Variants in CYBC1 observed in about 807,000 individuals in gnomAD.
CYBC1 encodes cytochrome b-245 chaperone 1, also known as essential for reactive oxygen species protein.
Under a neutral mutation model 21.7 loss-of-function variants are expected in CYBC1, and 22 were observed. That is an observed-to-expected ratio of 1.02 (90% CI 0.73 to 1.45). CYBC1 has a LOEUF of 1.45. Ranked by LOEUF, CYBC1 falls within the 40% of genes most tolerant of loss-of-function variation. The pLI, the probability that CYBC1 is intolerant of heterozygous loss-of-function variation, is 0.00. For synonymous variants in CYBC1, 112 were observed against 98.7 expected (o/e 1.13, Z -0.80); for missense variants, 237 against 242.1 (o/e 0.98, Z 0.14).
chr17:82,450,419 C>G (rs572288507), intron 1 of CYBC1: 1 of 152,296 alleles, frequency 6.6e-6, no homozygotes, highest in Non-Finnish European at 1.5e-5. Context: ...CACACACACA[C>G]GCACACTCGC....
rs1487140159 is a variant in CYBC1 at position 82,443,449 on chromosome 17, CCT to C, written c.*553_*554del. 1.5e-6 allele frequency: 1 copy of C among 648,124 alleles called. No individual in the cohort carries two copies. The highest frequency in any genetic ancestry group is 2.1e-5 in the Admixed American group (1 of 47,704). The allele number at this position is 648,124 out of a possible 1,614,324, so 40.1% of individuals were successfully genotyped here. A position where few individuals can be genotyped will look rare whatever the true frequency, so the allele number is the denominator to read the frequency against. On this transcript the variant is annotated 3_prime_UTR_variant, in exon 7 of 7. Transcript: ENST00000306645. The surrounding 1 kb of genome is among the most constrained non-coding windows in gnomAD (Gnocchi z 6.7). ...GCCAGGTAGGCCCTGGATGTTCACCCCTCACTGCCCTTGGGGAAGCACCTGAC... is the reference window on the plus strand; with the variant it reads ...GCCAGGTAGGCCCTGGATGTTCACCCCACTGCCCTTGGGGAAGCACCTGAC...
At chr17:82,445,986 C>T (rs2054264708) in intron 4 of CYBC1, 26 bp from the exon 5 acceptor site, 1 of 1,605,042 alleles carries the variant, frequency 6.2e-7, no homozygotes. Flanking sequence ...CACTGACCAC[C>T]ATGAACCTCC....
In CYBC1 at chr17:82,445,871, G is replaced by C. The variant is rs147800925; in HGVS notation, c.291C>G (p.His97Gln). ...KKLLTLFRAG[H>Q]DQVVVLLHDV... Reference sequence around the variant, plus strand: ...ACGCTCCCCACGACTCACCCTGGTCGTGGCCAGCTCTGAAAAGAGTCAGCA... The same window carrying C: ...ACGCTCCCCACGACTCACCCTGGTCCTGGCCAGCTCTGAAAAGAGTCAGCA... Residue 97 changes from histidine (H) to glutamine (Q), a missense_variant, in exon 5 of 7, where the codon CAC becomes CAG. Transcript: ENST00000306645. 1.2e-6 allele frequency: 2 copies of C among 1,610,334 alleles called. No individual in the cohort carries two copies. Among genetic ancestry groups the C allele is most frequent in the Non-Finnish European group, 1.7e-6 (2 of 1,178,324 alleles).
At chr17:82,446,133 T>C (rs2054274325) in intron 4 of CYBC1, among the ~76,000 whole-genome samples, 173 bp from the exon 5 acceptor site, 1 of 152,184 alleles carries the variant, frequency 6.6e-6, no homozygotes. Flanking sequence ...CAGAGCCGGA[T>C]ATCGGCAGCC....
chr17:82,449,343 G>A (rs111962223), intron 1 of CYBC1, 51 bp from the exon 2 acceptor site: 24,871 of 1,024,018 alleles, frequency 0.024, 366 homozygotes, highest in Admixed American at 0.047. Flanking sequence ...ACAGGCAGGC[G>A]CCCACGCCAT....
intron 5 of CYBC1, 115 bp downstream of exon 5, chr17:82,445,749 G>A: frequency 1.4e-6 from 1 of 708,264 alleles, no homozygotes; most frequent in Non-Finnish European, 2.3e-6. Context: ...CCAAGCAGGT[G>A]AGCTTGGACC....
At position 82,442,908 on chromosome 17, in the gene CYBC1, G is replaced by A. The variant is rs1421452517; in HGVS notation, c.*1096C>T. ...GCACACCGCACCTGGGAGGACCTGGGTACACTCAGGAGACCAAGAGCACTG... is the reference window on the plus strand; with the variant it reads ...GCACACCGCACCTGGGAGGACCTGGATACACTCAGGAGACCAAGAGCACTG... On this transcript the variant is annotated 3_prime_UTR_variant, in exon 7 of 7. Coordinates refer to ENST00000306645, the MANE Select transcript of CYBC1 (RefSeq NM_001033046.4). This position sits in a 1 kb window ranked among gnomAD's most constrained non-coding sequence, Gnocchi z 6.8. 7 of 281,652 alleles carry A rather than the reference G, an allele frequency of 2.5e-5. 1 individual carries two copies. The highest frequency in any genetic ancestry group is 4.0e-5 in the Non-Finnish European group (6 of 149,190). 17.4% of individuals were successfully genotyped at this position (281,652 alleles called of 1,614,324 possible).
chr17:82,445,920 T>G lies in CYBC1; in HGVS notation c.242A>C (p.Lys81Thr). ...CAGCTTCTTGTAGAGGCTGAACGTC[T>G]TCAAAACAACCTTCCCTGTGCTCTT... ...FDKSTGKVVLKTFSLYKKLLT... is the reference protein window; with the variant it reads ...FDKSTGKVVLTTFSLYKKLLT... Residue 81 changes from lysine to threonine, a missense_variant, in exon 5 of 7, where the codon AAG (lysine) becomes ACG (threonine). Coordinates refer to ENST00000306645, the MANE Select transcript of CYBC1 (RefSeq NM_001033046.4). 6.2e-7 allele frequency: 1 copy of G among 1,613,848 alleles called. No individual in the cohort carries two copies. Among genetic ancestry groups the G allele is most frequent in the East Asian group, 2.2e-5 (1 of 44,868 alleles).
chr17:82,449,599 A>C, intron 1 of CYBC1: 2 of 274,948 alleles, frequency 7.3e-6, no homozygotes, highest in Non-Finnish European at 6.8e-6. Context: ...TGGAAACCTT[A>C]TGTCCTGAGG....
Position 82,449,275 on chromosome 17 carries a change from C to G in CYBC1, c.-21G>C. On this transcript the variant is annotated 5_prime_UTR_variant, in exon 2 of 7. Transcript: ENST00000306645. Reference sequence around the variant, plus strand: ...TACATCCCGAGAGGGCAGCACCACTCTCTACAGGAGGAGGGGTCTGGGAAC... The same window carrying G: ...TACATCCCGAGAGGGCAGCACCACTGTCTACAGGAGGAGGGGTCTGGGAAC... 1.3e-6 allele frequency: 2 copies of G among 1,533,860 alleles called. No homozygotes were observed. Among genetic ancestry groups the G allele is most frequent in the African/African-American group, 2.8e-5 (2 of 72,148 alleles).
At chr17:82,446,431 T>C (rs1452006247) in intron 4 of CYBC1, among the ~76,000 whole-genome samples, 192 bp downstream of exon 4, 3 of 152,214 alleles carry the variant, frequency 2.0e-5, no homozygotes, top group African/African-American at 2.4e-5. Flanking sequence ...GGGGAATTCC[T>C]TGGCCAAGAA....
chr17:82,447,150 G>A lies in CYBC1; in HGVS notation c.127+430C>T, dbSNP rs556962917. 10 of 298,298 alleles carry A rather than the reference G, an allele frequency of 3.4e-5. No homozygotes were observed. In the East Asian group the frequency reaches 8.9e-4, roughly 26 times the overall value. 18.5% of individuals were successfully genotyped at this position (298,298 alleles called of 1,614,324 possible). On this transcript the variant is annotated intron_variant, in intron 3 of 6. Coordinates refer to ENST00000306645, the MANE Select transcript of CYBC1 (RefSeq NM_001033046.4). ...GGGCGGATCACGAGGTCAGGAGATCGAGACCATCCCGGCTAAAACGGTGAA... is the reference window on the plus strand; with the variant it reads ...GGGCGGATCACGAGGTCAGGAGATCAAGACCATCCCGGCTAAAACGGTGAA...
In CYBC1 at chr17:82,444,584, G is replaced by A; in HGVS notation, c.306C>T (p.Val102=). Residue 102 remains valine (V), a synonymous_variant, in exon 6 of 7, where the codon GTC becomes GTT. Transcript: ENST00000306645. ...LFRAGHDQVV[V]LLHDVRDVSV... ...TCACATCACGGACATCATGGAGCAG[G>A]ACCACCACTGCGGGGAGACGGTCAG... is the stretch of plus-strand genomic sequence containing the variant. The A allele has an allele frequency of 1.2e-6, 2 of 1,606,760 alleles. No homozygotes were observed. Among genetic ancestry groups the A allele is most frequent in the Non-Finnish European group, 8.5e-7 (1 of 1,174,534 alleles).
chr17:82,443,477 C>T lies in CYBC1; in HGVS notation c.*527G>A, dbSNP rs1174418262. The T allele has an allele frequency of 4.8e-5, 33 of 683,808 alleles. No individual in the cohort carries two copies. Among genetic ancestry groups the T allele is most frequent in the Middle Eastern group, 5.0e-4 (2 of 3,998 alleles). 42.4% of individuals were successfully genotyped at this position (683,808 alleles called of 1,614,324 possible). A position where few individuals can be genotyped will look rare whatever the true frequency, so the allele number is the denominator to read the frequency against. On this transcript the variant is annotated 3_prime_UTR_variant, in exon 7 of 7. Coordinates refer to ENST00000306645, the MANE Select transcript of CYBC1 (RefSeq NM_001033046.4). The surrounding 1 kb of genome is among the most constrained non-coding windows in gnomAD (Gnocchi z 6.7). ...CACTGCCCTTGGGGAAGCACCTGAC[C>T]GCTGGGGATGTCCACCAGGGAGAGG...
At chr17:82,444,177 C>G (rs928701089) in intron 6 of CYBC1, 53 bp from the exon 7 acceptor site, 10 of 1,581,066 alleles carry the variant, frequency 6.3e-6, no homozygotes, top group Non-Finnish European at 8.6e-6. Context: ...CATAGGGCAC[C>G]GTGAGACCCC....
At position 82,444,059 on chromosome 17, in the gene CYBC1, G is replaced by T; in HGVS notation, c.509C>A (p.Thr170Lys). Residue 170 changes from threonine to lysine, a missense_variant, in exon 7 of 7, where the codon ACA (threonine) becomes AAA (lysine). Transcript: ENST00000306645. ...ACTGTCGCTGCTCTGAGACAGCTCT[G>T]TGGGGCTCTCAAGGCAGTGCAGCTC... ...FLELHCLESP[T>K]ELSQSSDSEA... The T allele has an allele frequency of 6.2e-7, 1 of 1,613,664 alleles. No individual in the cohort carries two copies. Among genetic ancestry groups the T allele is most frequent in the Non-Finnish European group, 8.5e-7 (1 of 1,180,002 alleles).
rs1371532907 is a variant in CYBC1 at position 82,447,585 on chromosome 17, C to T, written c.122G>A (p.Ser41Asn). The change falls in exon 3 of 7, where the codon AGC (serine) becomes AAC (asparagine). Residue 41 changes from serine (S) to asparagine (N), a missense_variant. Ser to Asn is a conservative substitution (Grantham distance 46, BLOSUM62 1). Coordinates refer to ENST00000306645, the MANE Select transcript of CYBC1 (RefSeq NM_001033046.4). ...TGGGGCGGGGGGTGCTTTACCTCCG[C>T]TGTAGTAGGCAGCAGCCAGGCCAAT... The part of the protein sequence containing the change: ...LSIGLAAAYY[S>N]GDSLGWKLFY... 5 of 1,601,222 alleles carry T rather than the reference C, an allele frequency of 3.1e-6. No individual in the cohort carries two copies. The highest frequency in any genetic ancestry group is 1.7e-5 in the Admixed American group (1 of 57,610).
At chr17:82,450,072 C>A (rs12450191) in intron 1 of CYBC1, 1 of 151,998 alleles carries the variant, frequency 6.6e-6, no homozygotes, top group Non-Finnish European at 1.5e-5. Context: ...GTTTGAGTCA[C>A]GGAGTTCAAG....
In CYBC1 at chr17:82,449,280, CAGG is replaced by C; in HGVS notation, c.-29_-27del. 2 of 1,515,326 alleles carry C rather than the reference CAGG, an allele frequency of 1.3e-6. No homozygotes were observed. Among genetic ancestry groups the C allele is most frequent in the Non-Finnish European group, 1.8e-6 (2 of 1,129,010 alleles). The allele number at this position is 1,515,326 out of a possible 1,614,324, so 93.9% of individuals were successfully genotyped here. A position where few individuals can be genotyped will look rare whatever the true frequency, so the allele number is the denominator to read the frequency against. ...CCCGAGAGGGCAGCACCACTCTCTA[CAGG>C]AGGAGGGGTCTGGGAACAGACAGAG... On this transcript the variant is annotated 5_prime_UTR_variant, in exon 2 of 7. Transcript: ENST00000306645.
Sources: gnomAD v4.1 joint callset for allele counts (sites outside exome capture counted in the v4.1 genomes callset) on GRCh38, gnomAD v4.1.1 for gene constraint, Gnocchi (gnomAD v3.1) non-coding constraint, MANE v1.5 for transcripts, NCBI Gene and HGNC (gene_info 2026-07-23, HGNC 2026-07-21) for gene names.